SYNJ2: variants seen among roughly 807,000 people sequenced by gnomAD.
SYNJ2 encodes polyphosphatidylinositol phosphatase SYNJ2.
Under a neutral mutation model 141.3 loss-of-function variants are expected in SYNJ2, and 116 were observed. That is an observed-to-expected ratio of 0.82 (90% CI 0.71 to 0.96). The LOEUF (loss-of-function observed/expected upper bound fraction) is 0.96, where lower values mean the gene tolerates loss of function less well. Among genes scored for constraint, SYNJ2 ranks in the 40% least tolerant of loss-of-function variants. The probability of loss-of-function intolerance (pLI) is 0.00; values close to 1 mark genes in which losing one functional copy is unlikely to be tolerated. For synonymous variants in SYNJ2, 745 were observed against 777.7 expected, an observed-to-expected ratio of 0.96 and a Z score of 0.70; for missense variants, 1,873 against 1,934.8, an observed-to-expected ratio of 0.97 and a Z score of 0.60.
At chr6:158,033,709 A>C (rs1203507314) in intron 4 of SYNJ2, 29 bp downstream of exon 4, 1 of 1,583,656 alleles carries the variant, frequency 6.3e-7, no homozygotes, top group African/African-American at 1.3e-5. Flanking sequence ...CTGTGGCACC[A>C]AATGGTTCCG....
In SYNJ2 at chr6:158,000,064, CTTTTTTTTTT is replaced by C. The variant is rs58284240; in HGVS notation, c.128-17110_128-17101del. ...GCCAGGTTCTCACCAAGCCAAAAGG[CTTTTTTTTTT>C]TTTTTTTTTTTTTTTTTTTTTTTTT... On this transcript the variant is annotated intron_variant, in intron 1 of 26. Transcript: ENST00000355585. Among the ~76,000 whole-genome samples the C allele has an allele frequency of 1.2e-3, 100 of 85,536 alleles. 1 individual carries two copies. Among genetic ancestry groups the C allele is most frequent in the African/African-American group, 3.8e-3 (88 of 23,406 alleles). 56.1% of individuals were successfully genotyped at this position (85,536 alleles called of 152,430 possible).
chr6:158,014,169 G>A (rs1778366818), intron 1 of SYNJ2, among the ~76,000 whole-genome samples: 1 of 152,220 alleles, frequency 6.6e-6, no homozygotes, highest in Admixed American at 6.5e-5. Flanking sequence ...TGTATTTCAT[G>A]ATTTCGCCCA....
chr6:158,082,539 C>G (rs973919775), intron 20 of SYNJ2, among the ~76,000 whole-genome samples: 4 of 148,932 alleles, frequency 2.7e-5, no homozygotes, highest in African/African-American at 9.9e-5. Flanking sequence ...GCGCGTGCCT[C>G]TAGTCCCAGC....
intron 25 of SYNJ2, among the ~76,000 whole-genome samples, chr6:158,090,609 A>G (rs1445489639): frequency 1.4e-5 from 2 of 145,608 alleles, no homozygotes; most frequent in African/African-American, 5.1e-5. Flanking sequence ...CAGTGGCTCA[A>G]TCCCAGGTCA....
intron 1 of SYNJ2, among the ~76,000 whole-genome samples, chr6:157,989,303 T>A (rs900353616): frequency 1.3e-5 from 2 of 151,778 alleles, no homozygotes; most frequent in Non-Finnish European, 2.9e-5. Context: ...ACTAGTAATC[T>A]CCATTTTACA....
At position 158,084,057 on chromosome 6, in the gene SYNJ2, G is replaced by A; in HGVS notation, c.3091G>A (p.Val1031Ile). ...GGTGGATGAATTCAATCAGCCTGGA[G>A]TCTCGGACAGTGAACTCGGGGGAGA... ...YLVDEFNQPG[V>I]SDSELGGDDL... The change falls in exon 22 of 27, where the codon GTC becomes ATC. Residue 1031 changes from valine to isoleucine, a missense_variant. By Grantham distance (29) the Val-to-Ile change is conservative (BLOSUM62 3). Transcript: ENST00000355585. The surrounding 1 kb of genome is among the most constrained non-coding windows in gnomAD (Gnocchi z 5.0). The A allele has an allele frequency of 6.2e-7, 1 of 1,614,144 alleles. No homozygotes were observed. Among genetic ancestry groups the A allele is most frequent in the Non-Finnish European group, 8.5e-7 (1 of 1,180,016 alleles).
intron 20 of SYNJ2, 94 bp downstream of exon 20, chr6:158,081,604 C>CTTTTT: frequency 9.1e-6 from 2 of 219,730 alleles, no homozygotes; most frequent in South Asian, 4.6e-5. Context: ...CTGACCTGTG[C>CTTTTT]CTTTTTTTTT....
intron 23 of SYNJ2, 152 bp downstream of exon 23, chr6:158,087,141 C>T: frequency 1.1e-6 from 1 of 919,436 alleles, no homozygotes; most frequent in Non-Finnish European, 1.6e-6. Flanking sequence ...TGTTGTAAAT[C>T]CAGGACACGT....
intron 8 of SYNJ2, among the ~76,000 whole-genome samples, chr6:158,063,507 A>T (rs367888070): frequency 3.3e-5 from 5 of 151,998 alleles, no homozygotes. Flanking sequence ...AAAAATACAA[A>T]AATTAGCCGG....
intron 1 of SYNJ2, among the ~76,000 whole-genome samples, chr6:157,996,524 C>T (rs1249798087): frequency 6.6e-6 from 1 of 152,178 alleles, no homozygotes; most frequent in Admixed American, 6.5e-5. Flanking sequence ...CTGACTTGTT[C>T]CTGCTCAGAA....
In SYNJ2 at chr6:158,009,211, C is replaced by T. The variant is rs113532728; in HGVS notation, c.128-7993C>T. Among the ~76,000 whole-genome samples, 1,326 of 152,312 alleles carry T rather than the reference C, an allele frequency of 8.7e-3. 17 individuals carry two copies. Among genetic ancestry groups the T allele is most frequent in the African/African-American group, 0.026 (1,095 of 41,570 alleles). ...TACTCCCTGCTCACTTTTTCTGCTC[C>T]GCGCCTGTCACTGTCTATATTGCAC... On this transcript the variant is annotated intron_variant, in intron 1 of 26. Transcript: ENST00000355585.
chr6:158,033,533 G>A lies in SYNJ2; in HGVS notation c.564G>A (p.Val188=), dbSNP rs1011481315. ...GGCTGCTGAAGATCATCTGCGGGGT[G>A]GTCACCATCCGCACCGTGTATGCCT... is the stretch of plus-strand genomic sequence containing the variant. ...CDWLLKIICG[V]VTIRTVYASH... Residue 188 remains valine, a synonymous_variant, in exon 4 of 27, where the codon GTG becomes GTA. Coordinates refer to ENST00000355585, the MANE Select transcript of SYNJ2 (RefSeq NM_003898.4). 1 of 1,614,184 alleles carries A rather than the reference G, an allele frequency of 6.2e-7. No individual in the cohort carries two copies. The highest frequency in any genetic ancestry group is 1.7e-5 in the Admixed American group (1 of 60,034).
At chr6:158,013,583 A>C (rs918688909) in intron 1 of SYNJ2, among the ~76,000 whole-genome samples, 4 of 152,148 alleles carry the variant, frequency 2.6e-5, no homozygotes, top group African/African-American at 7.2e-5. Flanking sequence ...AACCATGTTC[A>C]GTGGATCCTC....
At position 157,992,410 on chromosome 6, in the gene SYNJ2, T is replaced by C. The variant is rs1382554273; in HGVS notation, c.127+10322T>C. Among the ~76,000 whole-genome samples, 923 of 148,764 alleles carry C rather than the reference T, an allele frequency of 6.2e-3. 10 individuals carry two copies. Among genetic ancestry groups the C allele is most frequent in the African/African-American group, 0.019 (775 of 40,590 alleles). ...TGTGCCTGGCTTGTTTCTTTTTTTT[T>C]TTTTTTTTTTTTTCCTTTTTTTTGA... On this transcript the variant is annotated intron_variant, in intron 1 of 26. Transcript: ENST00000355585.
intron 1 of SYNJ2, among the ~76,000 whole-genome samples, chr6:157,985,051 G>A (rs1482125212): frequency 1.3e-5 from 2 of 152,334 alleles, no homozygotes; most frequent in Admixed American, 6.5e-5. Context: ...GACCACAGGC[G>A]CTGCCCCTTC....
chr6:158,035,161 C>G (rs989520046), intron 4 of SYNJ2, among the ~76,000 whole-genome samples: 2 of 152,098 alleles, frequency 1.3e-5, no homozygotes, highest in Non-Finnish European at 2.9e-5. Flanking sequence ...CTTGGCTATT[C>G]GGGCTCTTTT....
At chr6:158,033,181 A>C (rs750140757) in intron 3 of SYNJ2, among the ~76,000 whole-genome samples, 54 of 152,336 alleles carry the variant, frequency 3.5e-4, no homozygotes, top group Non-Finnish European at 5.9e-4. Flanking sequence ...CCATTTAGCG[A>C]CAGTGACGAC....
At chr6:158,076,105 A>T (rs888937048) in intron 16 of SYNJ2, among the ~76,000 whole-genome samples, 2 of 152,144 alleles carry the variant, frequency 1.3e-5, no homozygotes, top group African/African-American at 4.8e-5. Context: ...GGAGGATCAC[A>T]TGAGCCCCAG....
rs1425563979 is a variant in SYNJ2, at chr6:158,043,905, T to C, written c.795+506T>C. Among the ~76,000 whole-genome samples, 1 of 152,200 alleles carries C rather than the reference T, an allele frequency of 6.6e-6. No individual in the cohort carries two copies. Among genetic ancestry groups the C allele is most frequent in the Non-Finnish European group, 1.5e-5 (1 of 68,030 alleles). On this transcript the variant is annotated intron_variant, in intron 5 of 26. Transcript: ENST00000355585. The surrounding 1 kb of genome is among the most constrained non-coding windows in gnomAD (Gnocchi z 4.0). ...TACCCCTTGCCGTCCAAAGCAGGGC[T>C]CTGGTCAGTGCCAGAGAGATTTGGC...
Sources: allele counts gnomAD v4.1 joint callset (sites outside exome capture counted in the v4.1 genomes callset), GRCh38; gene constraint gnomAD v4.1.1; non-coding constraint Gnocchi (gnomAD v3.1); transcripts MANE v1.5; gene names NCBI Gene and HGNC (gene_info 2026-07-23, HGNC 2026-07-21).